ANKRD36: variants seen among roughly 807,000 people sequenced by gnomAD.
ANKRD36 encodes ankyrin repeat domain-containing protein 36A.
Under a neutral mutation model 278.1 loss-of-function variants are expected in ANKRD36, and 179 were observed. The observed-to-expected ratio is 0.64, with a 90% CI of 0.57 to 0.73. The LOEUF (loss-of-function observed/expected upper bound fraction) is 0.73, where lower values mean the gene tolerates loss of function less well. ANKRD36 is among the 30% of genes least tolerant of loss of function. The probability of loss-of-function intolerance (pLI) is 0.00; values close to 1 mark genes in which losing one functional copy is unlikely to be tolerated. For synonymous variants in ANKRD36, 320 were observed against 641.1 expected, an observed-to-expected ratio of 0.50 and a Z score of 7.57; for missense variants, 1,159 against 1,956.7, an observed-to-expected ratio of 0.59 and a Z score of 7.69.
intron 46 of ANKRD36, among the ~76,000 whole-genome samples, chr2:97,201,926 C>T (rs796153086): frequency 2.0e-5 from 3 of 151,996 alleles, no homozygotes; most frequent in Admixed American, 6.6e-5. Context: ...CATCACTCGG[C>T]ATATCCACAT....
In ANKRD36 at chr2:97,172,496, T is replaced by C. The variant is rs56414211; in HGVS notation, c.1633+4729T>C. Among the ~76,000 whole-genome samples, 9 of 146,168 alleles carry C rather than the reference T, an allele frequency of 6.2e-5. No individual in the cohort carries two copies. In the East Asian group the frequency reaches 1.8e-3, roughly 29 times the overall value. ...TATATTAGAAATGAAACAGAAGTAT[T>C]GGAAATCCTAGCAAGCATAGCTGTA... On this transcript the variant is annotated intron_variant, in intron 22 of 75. Coordinates refer to ENST00000420699, the MANE Select transcript of ANKRD36 (RefSeq NM_001354587.1).
chr2:97,113,624 G>C lies in ANKRD36; in HGVS notation c.-116G>C. 1 of 1,333,794 alleles carries C rather than the reference G, an allele frequency of 7.5e-7. No homozygotes were observed. The highest frequency in any genetic ancestry group is 1.0e-6 in the Non-Finnish European group (1 of 962,988). The allele number at this position is 1,333,794 out of a possible 1,614,324, so 82.6% of individuals were successfully genotyped here. On this transcript the variant is annotated 5_prime_UTR_variant, in exon 1 of 76. Transcript: ENST00000420699. ...TCTGCTGAGAGGCGGGAGGCGCTGA[G>C]AGTCTGTGCGGAGGTCCGTGGACAG...
intron 6 of ANKRD36, among the ~76,000 whole-genome samples, chr2:97,130,767 T>G (rs1298286198): frequency 1.3e-5 from 2 of 152,104 alleles, no homozygotes; most frequent in African/African-American, 2.4e-5. Context: ...CTGCTTTTAC[T>G]GTTTTCTTTT....
intron 24 of ANKRD36, 67 bp from the exon 25 acceptor site, chr2:97,181,531 G>T (rs2056198855): frequency 4.4e-6 from 7 of 1,596,482 alleles, no homozygotes; most frequent in South Asian, 2.2e-5. Flanking sequence ...TGCTAACACT[G>T]CATGAATGTA....
In ANKRD36 at chr2:97,118,365, G is replaced by A. The variant is rs370190073; in HGVS notation, c.334G>A (p.Ala112Thr). 78 of 1,609,852 alleles carry A rather than the reference G, an allele frequency of 4.8e-5. 3 individuals are homozygous for A. The highest frequency in any genetic ancestry group is 3.9e-4 in the Admixed American group (23 of 59,522). The change falls in exon 3 of 76, where the codon GCT becomes ACT. Residue 112 changes from alanine (A) to threonine (T), a missense_variant. By Grantham distance (58) the Ala-to-Thr change is moderately conservative (BLOSUM62 0). Coordinates refer to ENST00000420699, the MANE Select transcript of ANKRD36 (RefSeq NM_001354587.1). ...ACAGGCTGTACAACTGAGGCAGGAG[G>A]CTTGTGCAACTCTTCTGCTGCAAAA... ...LIKAVQLRQE[A>T]CATLLLQNGA...
intron 64 of ANKRD36, among the ~76,000 whole-genome samples, chr2:97,217,682 A>T (rs1264077479): frequency 8.6e-5 from 13 of 152,042 alleles, no homozygotes; most frequent in Non-Finnish European, 1.9e-4. Context: ...GCATGTTTCT[A>T]TGGAAAGGGG....
At chr2:97,146,130 G>A (rs2044172642) in intron 10 of ANKRD36, among the ~76,000 whole-genome samples, 1 of 151,884 alleles carries the variant, frequency 6.6e-6, no homozygotes. Context: ...CACCAACCTG[G>A]TAATTTTTGT....
chr2:97,199,036 C>T (rs1277140019), intron 44 of ANKRD36, among the ~76,000 whole-genome samples: 14 of 151,902 alleles, frequency 9.2e-5, no homozygotes, highest in Admixed American at 2.0e-4. Context: ...AGACAGAAAG[C>T]TTGTTGTAAC....
At chr2:97,154,114 G>C (rs1199936427) in intron 14 of ANKRD36, among the ~76,000 whole-genome samples, 1 of 146,818 alleles carries the variant, frequency 6.8e-6, no homozygotes, top group African/African-American at 2.4e-5. Context: ...TGTTTCAGGG[G>C]GTTCCCTGTA....
At chr2:97,211,775 G>C in intron 58 of ANKRD36, 34 bp downstream of exon 58, 2 of 1,547,920 alleles carry the variant, frequency 1.3e-6, no homozygotes, top group Non-Finnish European at 1.7e-6. Context: ...ATGATGTTCG[G>C]TCAGGGTAGA....
rs1574430091 is a variant in ANKRD36 at position 97,113,639 on chromosome 2, T to G, written c.-101T>G. 1 of 1,485,814 alleles carries G rather than the reference T, an allele frequency of 6.7e-7. No individual in the cohort carries two copies. The highest frequency in any genetic ancestry group is 9.3e-7 in the Non-Finnish European group (1 of 1,080,764). The allele number at this position is 1,485,814 out of a possible 1,614,324, so 92.0% of individuals were successfully genotyped here. A position where few individuals can be genotyped will look rare whatever the true frequency, so the allele number is the denominator to read the frequency against. ...GAGGCGCTGAGAGTCTGTGCGGAGG[T>G]CCGTGGACAGACTGCTTTGCTCGTT... On this transcript the variant is annotated 5_prime_UTR_variant, in exon 1 of 76. Coordinates refer to ENST00000420699, the MANE Select transcript of ANKRD36 (RefSeq NM_001354587.1).
rs568936472 is a variant in ANKRD36, at chr2:97,220,634, G to A, written c.3877+1388G>A. ...TTTTAGAACCCATTTTTCTGTTGAT[G>A]TACATTTAGGTTGATTCCAAATTAT... is the stretch of plus-strand genomic sequence containing the variant. On this transcript the variant is annotated intron_variant, in intron 66 of 75. Coordinates refer to ENST00000420699, the MANE Select transcript of ANKRD36 (RefSeq NM_001354587.1). Among the ~76,000 whole-genome samples the A allele has an allele frequency of 1.3e-3, 200 of 149,618 alleles. 1 individual carries two copies. The highest frequency in any genetic ancestry group is 4.4e-3 in the African/African-American group (178 of 40,444).
At chr2:97,181,097 A>G (rs1309757593) in intron 24 of ANKRD36, among the ~76,000 whole-genome samples, 3 of 151,682 alleles carry the variant, frequency 2.0e-5, no homozygotes, top group African/African-American at 7.2e-5. Context: ...AATTTAGGAC[A>G]CTTCCACTGA....
rs776952373 is a variant in ANKRD36 at position 97,181,627 on chromosome 2, G to A, written c.1764+1G>A. ...TTCTCAGAAACAACCAGCTGAGAAG[G>A]TAATTAAAGTCTCATTTATATGTTG... On this transcript the variant is annotated splice_donor_variant, in intron 25 of 75. Transcript: ENST00000420699. LOFTEE classifies it high-confidence loss of function. 7 of 1,602,132 alleles carry A rather than the reference G, an allele frequency of 4.4e-6. No homozygotes were observed. Among genetic ancestry groups the A allele is most frequent in the South Asian group, 1.1e-5 (1 of 90,650 alleles).
At chr2:97,203,975 G>T (rs940715334) in intron 48 of ANKRD36, 93 bp from the exon 49 acceptor site, 12 of 1,511,256 alleles carry the variant, frequency 7.9e-6, no homozygotes, top group Non-Finnish European at 1.1e-5. Flanking sequence ...AATACAGGCA[G>T]GAGGACAGAG....
rs1374214528 is a variant in ANKRD36 at position 97,193,254 on chromosome 2, C to G, written c.2449+201C>G. Among the ~76,000 whole-genome samples the G allele has an allele frequency of 3.5e-5, 5 of 142,098 alleles. No individual in the cohort carries two copies. The Admixed American group carries it at 3.6e-4, about 10-fold the overall frequency. 93.2% of individuals were successfully genotyped at this position (142,098 alleles called of 152,430 possible). On this transcript the variant is annotated intron_variant, in intron 38 of 75. Transcript: ENST00000420699. ...TCTTCGCAGTAAGATTATACACTTC[C>G]CCACATTGAAATTGGGAAGAAGAAA... is the stretch of plus-strand genomic sequence containing the variant.
At chr2:97,188,484 G>C (rs1375937853) in intron 32 of ANKRD36, among the ~76,000 whole-genome samples, 1 of 151,536 alleles carries the variant, frequency 6.6e-6, no homozygotes, top group Non-Finnish European at 1.5e-5. Flanking sequence ...AAGATACTTA[G>C]GCAAATTATT....
chr2:97,127,337 T>A (rs1289637185), intron 6 of ANKRD36, among the ~76,000 whole-genome samples: 1 of 151,912 alleles, frequency 6.6e-6, no homozygotes, highest in South Asian at 2.1e-4. Flanking sequence ...TTGAAAAAAA[T>A]TATTATTTAA....
At chr2:97,171,714 G>A (rs2052593235) in intron 22 of ANKRD36, among the ~76,000 whole-genome samples, 1 of 147,764 alleles carries the variant, frequency 6.8e-6, no homozygotes, top group African/African-American at 2.5e-5. Flanking sequence ...AAAAAAAAAA[G>A]TGTTCTGTAA....
Sources: gnomAD v4.1 joint callset for allele counts (sites outside exome capture counted in the v4.1 genomes callset) on GRCh38, gnomAD v4.1.1 for gene constraint, MANE v1.5 for transcripts, NCBI Gene and HGNC (gene_info 2026-07-23, HGNC 2026-07-21) for gene names.